UMOD: variants seen among roughly 807,000 people sequenced by gnomAD.
UMOD encodes uromodulin.
Under a neutral mutation model 66.0 loss-of-function variants are expected in UMOD, and 64 were observed. The observed-to-expected ratio is 0.97, with a 90% CI of 0.79 to 1.19. The LOEUF is 1.19. UMOD is among the 50% of genes most tolerant of loss of function. The pLI, the probability that UMOD is intolerant of heterozygous loss-of-function variation, is 0.00. For synonymous variants in UMOD, 398 were observed against 352.7 expected, an observed-to-expected ratio of 1.13 and a Z score of -1.44; for missense variants, 764 against 850.9, an observed-to-expected ratio of 0.90 and a Z score of 1.27.
chr16:20,351,214 A>G (rs1394462641), intron 1 of UMOD: 1 of 246,740 alleles, frequency 4.1e-6, no homozygotes, highest in African/African-American at 2.2e-5. Context: ...TCATTCAACA[A>G]ACATCTATTG....
intron 5 of UMOD, among the ~76,000 whole-genome samples, chr16:20,344,530 G>A (rs1596553231): frequency 6.6e-6 from 1 of 151,314 alleles, no homozygotes; most frequent in Non-Finnish European, 1.5e-5. Context: ...TTGAACCCGG[G>A]AGGCAGAGCT....
chr16:20,333,111 C>G lies in UMOD; in HGVS notation c.*203G>C, dbSNP rs1262273353. On this transcript the variant is annotated 3_prime_UTR_variant, in exon 11 of 11. Coordinates refer to ENST00000396138, the MANE Select transcript of UMOD (RefSeq NM_003361.4). ...AAGGAGATGGGGGCCTCAGGTACAC[C>G]GTCACAAGTCCCATTTTGAGAAAAA... 2 of 612,532 alleles carry G rather than the reference C, an allele frequency of 3.3e-6. No individual in the cohort carries two copies. The highest frequency in any genetic ancestry group is 1.9e-5 in the African/African-American group (1 of 54,002). The allele number at this position is 612,532 out of a possible 1,614,324, so 37.9% of individuals were successfully genotyped here.
chr16:20,348,327 G>C lies in UMOD; in HGVS notation c.869C>G (p.Pro290Arg). Residue 290 changes from proline to arginine, a missense_variant, in exon 4 of 11, where the codon CCC (proline) becomes CGC (arginine). Physicochemically the swap from Pro to Arg is moderately radical, Grantham distance 103. Transcript: ENST00000396138. ...CTCACACGTCCCCTCCACGGAGCTG[G>C]GGTCTGCAGGGTCACAGGGACAGAC... ...PECHLAYCTD[P>R]SSVEGTCEEC... 6.2e-7 allele frequency: 1 copy of C among 1,614,186 alleles called. No individual in the cohort carries two copies. The highest frequency in any genetic ancestry group is 8.5e-7 in the Non-Finnish European group (1 of 1,180,040).
In UMOD at chr16:20,333,156, G is replaced by A; in HGVS notation, c.*158C>T. 2.6e-6 allele frequency: 2 copies of A among 765,008 alleles called. No individual in the cohort carries two copies. Among genetic ancestry groups the A allele is most frequent in the Non-Finnish European group, 4.5e-6 (2 of 440,334 alleles). 47.4% of individuals were successfully genotyped at this position (765,008 alleles called of 1,614,324 possible). On this transcript the variant is annotated 3_prime_UTR_variant, in exon 11 of 11. Coordinates refer to ENST00000396138, the MANE Select transcript of UMOD (RefSeq NM_003361.4). The stretch of plus-strand genomic sequence containing the variant: ...GAAAAAGCAGCATTTAAAGACACAG[G>A]CTGTTTCTCGACAGCCAGGATTAAA...
At chr16:20,342,304 A>AT (rs1483313938) in intron 6 of UMOD, 1 of 152,470 alleles carries the variant, frequency 6.6e-6, no homozygotes, top group Non-Finnish European at 1.5e-5. Context: ...TTGAGCTATG[A>AT]TTGTGCCACT....
In UMOD at chr16:20,341,175, C is replaced by A. The variant is rs188397613; in HGVS notation, c.1493G>T (p.Arg498Leu). Residue 498 changes from arginine to leucine, a missense_variant, in exon 7 of 11, where the codon CGA (arginine) becomes CTA (leucine). By Grantham distance (102) the Arg-to-Leu change is moderately radical (BLOSUM62 -2). Coordinates refer to ENST00000396138, the MANE Select transcript of UMOD (RefSeq NM_003361.4). The stretch of plus-strand genomic sequence containing the variant: ...GCAGTTGGTCATGAGCAGTGCAAAT[C>A]GGGACAGGTCGCCCCCATCCAACAT... Reference protein sequence around the residue: ...GTMLDGGDLSRFALLMTNCYA... With the variant: ...GTMLDGGDLSLFALLMTNCYA... 1 of 1,613,874 alleles carries A rather than the reference C, an allele frequency of 6.2e-7. No homozygotes were observed. Among genetic ancestry groups the A allele is most frequent in the Non-Finnish European group, 8.5e-7 (1 of 1,180,010 alleles).
At chr16:20,342,999 G>C (rs192410908) in intron 6 of UMOD, among the ~76,000 whole-genome samples, 6 of 152,018 alleles carry the variant, frequency 3.9e-5, no homozygotes, top group African/African-American at 1.4e-4. Context: ...GTGTGGTGGT[G>C]GGCACCTATA....
At chr16:20,344,623 C>A (rs1461832414) in intron 5 of UMOD, among the ~76,000 whole-genome samples, 3 of 149,260 alleles carry the variant, frequency 2.0e-5, no homozygotes, top group East Asian at 3.9e-4. Flanking sequence ...AAAAATCCCA[C>A]AACAGTTAAA....
intron 2 of UMOD, among the ~76,000 whole-genome samples, chr16:20,350,221 G>A (rs1174133456): frequency 1.3e-5 from 2 of 152,144 alleles, no homozygotes; most frequent in Non-Finnish European, 2.9e-5. Flanking sequence ...CAACCCAATG[G>A]AATGACCTCT....
chr16:20,353,078 A>T (rs1965966906), upstream of UMOD, among the ~76,000 whole-genome samples: 1 of 152,190 alleles, frequency 6.6e-6, no homozygotes. Flanking sequence ...GGAGCCAGGC[A>T]GAAGCCAGTA....
chr16:20,346,544 TG>T (rs1372539066), intron 4 of UMOD, among the ~76,000 whole-genome samples: 1 of 152,210 alleles, frequency 6.6e-6, no homozygotes, highest in Non-Finnish European at 1.5e-5. Flanking sequence ...CACTCAGTCT[TG>T]GGTTCCCCTA....
At chr16:20,352,364 T>C (rs1965941754) in intron 1 of UMOD, among the ~76,000 whole-genome samples, 1 of 152,146 alleles carries the variant, frequency 6.6e-6, no homozygotes, top group South Asian at 2.1e-4. Context: ...ATATTGTCAC[T>C]GGGATTAACT....
chr16:20,346,655 A>C (rs143561113), intron 4 of UMOD, among the ~76,000 whole-genome samples: 1 of 152,244 alleles, frequency 6.6e-6, no homozygotes, highest in African/African-American at 2.4e-5. Context: ...AAAAGGCTAG[A>C]TGCGGTGGCT....
chr16:20,345,053 A>G (rs993712108), intron 5 of UMOD, among the ~76,000 whole-genome samples: 1 of 152,164 alleles, frequency 6.6e-6, no homozygotes, highest in Non-Finnish European at 1.5e-5. Flanking sequence ...TCACTCTGTC[A>G]CCCAGGCTGG....
At position 20,333,191 on chromosome 16, in the gene UMOD, A is replaced by G; in HGVS notation, c.*123T>C. The G allele has an allele frequency of 2.0e-6, 2 of 1,019,326 alleles. No individual in the cohort carries two copies. The highest frequency in any genetic ancestry group is 1.5e-6 in the Non-Finnish European group (1 of 664,752). The allele number at this position is 1,019,326 out of a possible 1,614,324, so 63.1% of individuals were successfully genotyped here. A position where few individuals can be genotyped will look rare whatever the true frequency, so the allele number is the denominator to read the frequency against. On this transcript the variant is annotated 3_prime_UTR_variant, in exon 11 of 11. Transcript: ENST00000396138. ...GACAGCCAGGATTAAAAGGGAGAAA[A>G]GAAGGCAGGCTGAACAAAGCATGAA...
At chr16:20,354,408 C>T (rs1002771668), upstream of UMOD, among the ~76,000 whole-genome samples, 1 of 152,180 alleles carries the variant, frequency 6.6e-6, no homozygotes, top group African/African-American at 2.4e-5. Context: ...ACACTACTCA[C>T]CAGTTCTGAG....
intron 7 of UMOD, among the ~76,000 whole-genome samples, chr16:20,340,862 C>T (rs1965168505): frequency 6.6e-6 from 1 of 152,010 alleles, no homozygotes; most frequent in African/African-American, 2.4e-5. Context: ...GGCCTGCTGG[C>T]CTCTGCCTGT....
At chr16:20,333,869 C>G (rs1309946116) in intron 10 of UMOD, among the ~76,000 whole-genome samples, 4 of 152,098 alleles carry the variant, frequency 2.6e-5, no homozygotes, top group Admixed American at 6.5e-5. Flanking sequence ...CCCATCTCTA[C>G]TGGAAAATAC....
upstream of UMOD, among the ~76,000 whole-genome samples, chr16:20,355,512 T>C (rs1434601573): frequency 1.3e-5 from 2 of 151,670 alleles, no homozygotes; most frequent in Non-Finnish European, 2.9e-5. Flanking sequence ...CAAGTGATTC[T>C]CTTGAATCCT....
Sources: gnomAD v4.1 joint callset for allele counts (sites outside exome capture counted in the v4.1 genomes callset) on GRCh38, gnomAD v4.1.1 for gene constraint, MANE v1.5 for transcripts, NCBI Gene and HGNC (gene_info 2026-07-23, HGNC 2026-07-21) for gene names.